MGAT4C: variants seen among roughly 807,000 people sequenced by gnomAD.
The protein encoded by MGAT4C is MGAT4 family member C, also known as alpha-1,3-mannosyl-glycoprotein 4-beta-N-acetylglucosaminyltransferase C.
A neutral mutation model predicts 40.1 loss-of-function variants in MGAT4C; 19 were observed. The observed-to-expected ratio is 0.47, with a 90% CI of 0.33 to 0.70. The LOEUF is 0.70. Ranked by LOEUF, MGAT4C falls within the 30% of genes least tolerant of loss-of-function variation. The pLI, the probability that MGAT4C is intolerant of heterozygous loss-of-function variation, is 0.02. For synonymous variants in MGAT4C, 181 were observed against 187.1 expected (o/e 0.97, Z 0.27); for missense variants, 491 against 563.2 (o/e 0.87, Z 1.30).
At chr12:86,291,535 T>C (rs564442775) in intron 4 of MGAT4C, among the ~76,000 whole-genome samples, 19 of 152,306 alleles carry the variant, frequency 1.2e-4, no homozygotes, top group African/African-American at 4.6e-4. Context: ...CTGGATTCCA[T>C]AAATGCCATG....
intron 2 of MGAT4C, among the ~76,000 whole-genome samples, chr12:86,552,727 TAA>T (rs962806596): frequency 3.9e-5 from 6 of 151,990 alleles, no homozygotes; most frequent in African/African-American, 1.4e-4. Flanking sequence ...TGTGAAAAAA[TAA>T]AAACAGTTAT....
chr12:86,160,490 C>T (rs1033827121), intron 1 of MGAT4C, among the ~76,000 whole-genome samples: 3 of 151,910 alleles, frequency 2.0e-5, no homozygotes, highest in Non-Finnish European at 4.4e-5. Flanking sequence ...GCTTTATGAG[C>T]GAGCATGTGA....
rs536810609 is a variant in MGAT4C, at chr12:86,307,627, ATTTATTTTG to A, written c.-57+26429_-57+26437del. Among the ~76,000 whole-genome samples, 904 of 150,578 alleles carry A rather than the reference ATTTATTTTG, an allele frequency of 6.0e-3. 11 individuals carry two copies. The highest frequency in any genetic ancestry group is 0.01 in the Middle Eastern group (3 of 292). ...GTAGAAAATTAGACATCTTGCCCAC[ATTTATTTTG>A]TTTTGAAATATTTTAAAGGCAGTAT... On this transcript the variant is annotated intron_variant, in intron 4 of 7. Transcript: ENST00000548651.
intron 2 of MGAT4C, among the ~76,000 whole-genome samples, chr12:86,575,108 C>T (rs987427658): frequency 6.6e-6 from 1 of 151,578 alleles, no homozygotes; most frequent in African/African-American, 2.4e-5. Flanking sequence ...TCTCTAGACT[C>T]ATCTCTTCTC....
chr12:86,753,482 G>T (rs1951255934), intron 1 of MGAT4C, among the ~76,000 whole-genome samples: 1 of 152,056 alleles, frequency 6.6e-6, no homozygotes, highest in Non-Finnish European at 1.5e-5. Context: ...TCTGAAGGCT[G>T]TAAGACCCCT....
At chr12:86,199,233 C>T (rs1949942125) in intron 1 of MGAT4C, among the ~76,000 whole-genome samples, 3 of 152,034 alleles carry the variant, frequency 2.0e-5, no homozygotes, top group Admixed American at 6.6e-5. Context: ...TCGTGGAATC[C>T]TCAGGGATAG....
intron 1 of MGAT4C, among the ~76,000 whole-genome samples, chr12:86,209,623 C>T (rs1299572816): frequency 6.6e-6 from 1 of 152,138 alleles, no homozygotes; most frequent in Non-Finnish European, 1.5e-5. Flanking sequence ...GATCAATCTA[C>T]ATTTCTCAAC....
At chr12:86,417,007 A>G (rs1956731461) in intron 3 of MGAT4C, among the ~76,000 whole-genome samples, 1 of 152,136 alleles carries the variant, frequency 6.6e-6, no homozygotes, top group Non-Finnish European at 1.5e-5. Flanking sequence ...CTCCAGAACC[A>G]TGAGACAATA....
At chr12:86,822,879 T>G (rs1952730618) in intron 1 of MGAT4C, among the ~76,000 whole-genome samples, 1 of 151,158 alleles carries the variant, frequency 6.6e-6, no homozygotes. Context: ...CCAGTGCACA[T>G]AGAATTTTTT....
In MGAT4C at chr12:85,971,084, T is replaced by A. The variant is rs1883600983; in HGVS notation, c.*8205A>T. 1 of 151,358 alleles carries A rather than the reference T, an allele frequency of 6.6e-6. No individual in the cohort carries two copies. The highest frequency in any genetic ancestry group is 2.4e-5 in the African/African-American group (1 of 41,490). The allele number at this position is 151,358 out of a possible 1,614,324, so 9.4% of individuals were successfully genotyped here. ...AATTTACTGATGAAAATCAGAAGAA[T>A]GTTGAAAAATTAGTGCATTTATAAT... On this transcript the variant is annotated 3_prime_UTR_variant, in exon 5 of 5. Transcript: ENST00000611864.
intron 4 of MGAT4C, among the ~76,000 whole-genome samples, chr12:86,306,891 T>A (rs1270280725): frequency 6.6e-6 from 1 of 150,590 alleles, no homozygotes; most frequent in Admixed American, 6.6e-5. Context: ...ATAAATTAGG[T>A]ACATTGTAAT....
chr12:86,492,923 C>G (rs1958166576), intron 2 of MGAT4C, among the ~76,000 whole-genome samples: 2 of 152,054 alleles, frequency 1.3e-5, no homozygotes, highest in African/African-American at 4.8e-5. Context: ...TATCCAGAAC[C>G]TACAATGAAC....
chr12:86,564,116 T>C (rs370584778), intron 2 of MGAT4C, among the ~76,000 whole-genome samples: 58 of 152,240 alleles, frequency 3.8e-4, no homozygotes, highest in African/African-American at 1.2e-3. Context: ...TCCCGCCATA[T>C]CCCCATTCAA....
At chr12:86,559,800 CA>C (rs1592986047) in intron 2 of MGAT4C, among the ~76,000 whole-genome samples, 2 of 151,822 alleles carry the variant, frequency 1.3e-5, no homozygotes, top group East Asian at 3.9e-4. Flanking sequence ...TAAAAAATAT[CA>C]GAGCAAAACT....
intron 2 of MGAT4C, among the ~76,000 whole-genome samples, chr12:86,628,957 G>A (rs937791854): frequency 1.3e-5 from 2 of 152,012 alleles, no homozygotes; most frequent in African/African-American, 4.8e-5. Flanking sequence ...TGGCAAACTG[G>A]ATAAAGAGTG....
At chr12:86,377,625 C>T (rs1176852939) in intron 3 of MGAT4C, among the ~76,000 whole-genome samples, 1 of 152,096 alleles carries the variant, frequency 6.6e-6, no homozygotes, top group Non-Finnish European at 1.5e-5. Flanking sequence ...TTTTTCATCC[C>T]TTTGATTTTT....
chr12:86,745,398 G>A (rs1036437716), intron 1 of MGAT4C, among the ~76,000 whole-genome samples: 1 of 151,572 alleles, frequency 6.6e-6, no homozygotes, highest in African/African-American at 2.4e-5. Flanking sequence ...TGGTATAAAG[G>A]AAGTACCAAT....
chr12:86,018,216 T>C (rs1194953256), intron 2 of MGAT4C, among the ~76,000 whole-genome samples: 1 of 152,126 alleles, frequency 6.6e-6, no homozygotes, highest in Non-Finnish European at 1.5e-5. Flanking sequence ...AACAAAATTC[T>C]ACCCATCTAA....
chr12:86,020,234 T>C (rs61931082), intron 2 of MGAT4C, among the ~76,000 whole-genome samples: 31,518 of 152,116 alleles, frequency 0.21, 3,823 homozygotes, highest in Non-Finnish European at 0.28. Context: ...CTATGTTGAA[T>C]AGGAGTGTTG....
Sources: gnomAD v4.1 joint callset for allele counts (sites outside exome capture counted in the v4.1 genomes callset) on GRCh38, gnomAD v4.1.1 for gene constraint, MANE v1.5 for transcripts, NCBI Gene and HGNC (gene_info 2026-07-23, HGNC 2026-07-21) for gene names.